MAF: variants seen among roughly 807,000 people sequenced by gnomAD.
The protein encoded by MAF is transcription factor Maf.
MAF carries 10 observed loss-of-function variants against 22.0 expected under a neutral mutation model. The ratio of observed to expected loss-of-function variants is 0.45; its 90% CI spans 0.28 to 0.77. MAF has a LOEUF of 0.77. Ranked by LOEUF, MAF falls within the 30% of genes least tolerant of loss-of-function variation. The pLI is 0.12. For synonymous variants in MAF, 337 were observed against 255.8 expected, an observed-to-expected ratio of 1.32 and a Z score of -3.03; for missense variants, 544 against 548.4, an observed-to-expected ratio of 0.99 and a Z score of 0.08.
the MAF span, among the ~76,000 whole-genome samples, chr16:79,234,743 T>G: frequency 2.6e-5 from 4 of 152,076 alleles, no homozygotes; most frequent in Non-Finnish European, 4.4e-5. Context: ...CCCCCAGCTG[T>G]GGACCCAACA....
At chr16:79,443,365 C>A in the MAF span, among the ~76,000 whole-genome samples, 17 of 152,166 alleles carry the variant, frequency 1.1e-4, no homozygotes, top group African/African-American at 4.1e-4. Flanking sequence ...AGAAGATGGT[C>A]ATCCTCTCCA....
chr16:79,446,950 G>A, the MAF span, among the ~76,000 whole-genome samples: 1 of 152,074 alleles, frequency 6.6e-6, no homozygotes, highest in East Asian at 1.9e-4. Flanking sequence ...GAAAAAAACA[G>A]AAGAAAAAGT....
the MAF span, among the ~76,000 whole-genome samples, chr16:79,261,939 C>G: frequency 6.6e-6 from 1 of 152,200 alleles, no homozygotes; most frequent in Admixed American, 6.5e-5. Context: ...GACTCCATCT[C>G]TTAAGTTGCT....
At chr16:79,317,275 T>G in the MAF span, among the ~76,000 whole-genome samples, 1 of 139,438 alleles carries the variant, frequency 7.2e-6, no homozygotes, top group Non-Finnish European at 1.5e-5. Flanking sequence ...CTTCCCTCCC[T>G]CCTTCCTTCC....
chr16:79,361,321 G>A, the MAF span, among the ~76,000 whole-genome samples: 2 of 152,242 alleles, frequency 1.3e-5, no homozygotes, highest in South Asian at 2.1e-4. Flanking sequence ...GGTGTACCCA[G>A]GAAGGATGTG....
chr16:79,250,228 T>G, the MAF span, among the ~76,000 whole-genome samples: 13 of 152,246 alleles, frequency 8.5e-5, no homozygotes, highest in African/African-American at 3.1e-4. Flanking sequence ...GCATGGCACT[T>G]TGAACAAATA....
At chr16:79,322,982 C>A in the MAF span, among the ~76,000 whole-genome samples, 1 of 151,290 alleles carries the variant, frequency 6.6e-6, no homozygotes, top group East Asian at 2.0e-4. Context: ...AACCCCATCT[C>A]TACTAAAAAT....
the MAF span, among the ~76,000 whole-genome samples, chr16:79,536,996 T>C: frequency 6.6e-6 from 1 of 152,166 alleles, no homozygotes; most frequent in African/African-American, 2.4e-5. Flanking sequence ...ATGTATACCA[T>C]AGGCTTAGAC....
chr16:79,472,062 T>C, the MAF span, among the ~76,000 whole-genome samples: 1 of 152,168 alleles, frequency 6.6e-6, no homozygotes, highest in Non-Finnish European at 1.5e-5. Flanking sequence ...GACCTCTCTT[T>C]CCCTCTCTTT....
the MAF span, among the ~76,000 whole-genome samples, chr16:79,246,542 G>GT: frequency 7.1e-6 from 1 of 141,250 alleles, no homozygotes; most frequent in Admixed American, 7.0e-5. Flanking sequence ...GTTTTTTTTG[G>GT]GGGGGGTGTG....
chr16:79,253,583 A>C, the MAF span, among the ~76,000 whole-genome samples: 1 of 151,996 alleles, frequency 6.6e-6, no homozygotes, highest in Non-Finnish European at 1.5e-5. Flanking sequence ...GTGTATGTGC[A>C]TGCGGGAGGG....
At chr16:79,568,110 T>C in the MAF span, among the ~76,000 whole-genome samples, 1 of 151,788 alleles carries the variant, frequency 6.6e-6, no homozygotes, top group Admixed American at 6.6e-5. Flanking sequence ...ATGTTGGGGG[T>C]GGGGGAAGAG....
At chr16:79,470,021 C>T in the MAF span, among the ~76,000 whole-genome samples, 4 of 152,222 alleles carry the variant, frequency 2.6e-5, no homozygotes, top group Non-Finnish European at 5.9e-5. Flanking sequence ...CTCTACCTCG[C>T]TCAGAAACGT....
At chr16:79,499,976 G>A in the MAF span, among the ~76,000 whole-genome samples, 2 of 152,134 alleles carry the variant, frequency 1.3e-5, no homozygotes, top group Admixed American at 6.5e-5. Flanking sequence ...AGAGGCAGAG[G>A]GAGTTTAAGG....
the MAF span, among the ~76,000 whole-genome samples, chr16:79,385,718 T>C: frequency 1.3e-5 from 2 of 152,040 alleles, 1 homozygote; most frequent in South Asian, 4.1e-4. Context: ...CTGGCCAACA[T>C]GGCAAAACCC....
chr16:79,586,905 T>G (rs907616824), intron 1 of MAF, among the ~76,000 whole-genome samples: 1 of 152,258 alleles, frequency 6.6e-6, no homozygotes, highest in African/African-American at 2.4e-5. Flanking sequence ...ATCTAATTCT[T>G]TTTCCAACAT....
At chr16:79,228,139 G>A in the MAF span, among the ~76,000 whole-genome samples, 1 of 152,072 alleles carries the variant, frequency 6.6e-6, no homozygotes, top group Non-Finnish European at 1.5e-5. Flanking sequence ...CTAGCCTCAA[G>A]TGATCCTCCT....
chr16:79,338,581 C>T, the MAF span, among the ~76,000 whole-genome samples: 1 of 150,776 alleles, frequency 6.6e-6, no homozygotes, highest in Non-Finnish European at 1.5e-5. Context: ...GTTACAGAAG[C>T]AAAATACTTT....
the MAF span, among the ~76,000 whole-genome samples, chr16:79,298,164 T>C: frequency 1.3e-5 from 2 of 152,226 alleles, no homozygotes; most frequent in Non-Finnish European, 2.9e-5. Context: ...TGAGAAGCCC[T>C]GTGTTTGCAT....
Sources: allele counts gnomAD v4.1 joint callset (sites outside exome capture counted in the v4.1 genomes callset), GRCh38; gene constraint gnomAD v4.1.1; transcripts MANE v1.5; gene names NCBI Gene and HGNC (gene_info 2026-07-23, HGNC 2026-07-21).